RUFY3: variants seen among roughly 807,000 people sequenced by gnomAD.
RUFY3 encodes the protein RUN and FYVE domain containing 3, also known as protein RUFY3.
A neutral mutation model predicts 84.0 loss-of-function variants in RUFY3; 34 were observed. The ratio of observed to expected loss-of-function variants is 0.40; its 90% CI spans 0.31 to 0.54. The LOEUF (loss-of-function observed/expected upper bound fraction) is 0.54, where lower values mean the gene tolerates loss of function less well. Ranked by LOEUF, RUFY3 falls within the 20% of genes least tolerant of loss-of-function variation. The probability of loss-of-function intolerance (pLI) is 0.39; values close to 1 mark genes in which losing one functional copy is unlikely to be tolerated. For synonymous variants in RUFY3, 242 were observed against 252.9 expected (o/e 0.96, Z 0.41); for missense variants, 507 against 736.8 (o/e 0.69, Z 3.61).
intron 8 of RUFY3, among the ~76,000 whole-genome samples, chr4:70,780,122 C>T (rs1728657108): frequency 6.6e-6 from 1 of 152,082 alleles, no homozygotes; most frequent in African/African-American, 2.4e-5. Flanking sequence ...AGAATCTTAT[C>T]ACATAGGCTT....
chr4:70,794,150 A>G (rs1420402357), intron 13 of RUFY3, among the ~76,000 whole-genome samples: 1 of 152,228 alleles, frequency 6.6e-6, no homozygotes, highest in Admixed American at 6.5e-5. Flanking sequence ...ATTAGCCAAA[A>G]TAACACTAAT....
At chr4:70,784,356 G>T (rs1462436915) in intron 9 of RUFY3, among the ~76,000 whole-genome samples, 2 of 152,086 alleles carry the variant, frequency 1.3e-5, no homozygotes, top group African/African-American at 4.8e-5. Flanking sequence ...GGTGGCGCAC[G>T]CCTATAATCC....
At chr4:70,776,708 A>G (rs1002630006) in intron 7 of RUFY3, among the ~76,000 whole-genome samples, 9 of 152,300 alleles carry the variant, frequency 5.9e-5, no homozygotes, top group East Asian at 3.9e-4. Context: ...CCCGGGAGGC[A>G]GAGCTTACAG....
At chr4:70,728,881 CTTT>C (rs773797760) in intron 1 of RUFY3, among the ~76,000 whole-genome samples, 3 of 129,470 alleles carry the variant, frequency 2.3e-5, no homozygotes, top group Non-Finnish European at 3.4e-5. Flanking sequence ...TTGGATATTT[CTTT>C]TTTTTTTTTT....
intron 3 of RUFY3, 118 bp downstream of exon 3, chr4:70,763,787 A>G (rs532612395): frequency 4.0e-6 from 5 of 1,251,634 alleles, no homozygotes; most frequent in South Asian, 1.6e-5. Flanking sequence ...TCCAAAATGC[A>G]TGATGTCATG....
intron 7 of RUFY3, among the ~76,000 whole-genome samples, chr4:70,777,232 A>G (rs1327057312): frequency 6.6e-6 from 1 of 152,220 alleles, no homozygotes; most frequent in Non-Finnish European, 1.5e-5. Flanking sequence ...CTGAAACCAC[A>G]GAAAACAAAA....
intron 1 of RUFY3, among the ~76,000 whole-genome samples, chr4:70,736,763 G>T (rs1029732829): frequency 1.8e-4 from 28 of 152,032 alleles, no homozygotes; most frequent in African/African-American, 6.0e-4. Flanking sequence ...GTAGAGACAG[G>T]GTTTCACCAT....
intron 1 of RUFY3, among the ~76,000 whole-genome samples, chr4:70,723,718 AG>A (rs1482852598): frequency 1.3e-5 from 2 of 152,216 alleles, no homozygotes; most frequent in Non-Finnish European, 2.9e-5. Context: ...CTTGCATATG[AG>A]GAGAAATTCT....
At chr4:70,756,004 T>C (rs577619132) in intron 1 of RUFY3, among the ~76,000 whole-genome samples, 1 of 151,358 alleles carries the variant, frequency 6.6e-6, no homozygotes, top group African/African-American at 2.4e-5. Flanking sequence ...GTCAACATAA[T>C]GTATTATTTT....
At chr4:70,748,669 G>A (rs2148665796) in intron 1 of RUFY3, among the ~76,000 whole-genome samples, 1 of 152,280 alleles carries the variant, frequency 6.6e-6, no homozygotes, top group South Asian at 2.1e-4. Context: ...GCATATCTGT[G>A]CCAGTTCTTC....
At chr4:70,796,779 T>C (rs1241972589) in intron 14 of RUFY3, among the ~76,000 whole-genome samples, 1 of 152,168 alleles carries the variant, frequency 6.6e-6, no homozygotes, top group Non-Finnish European at 1.5e-5. Flanking sequence ...GCCCACTTCT[T>C]TGGGGACAAT....
chr4:70,749,235 A>G (rs967116691), intron 1 of RUFY3, among the ~76,000 whole-genome samples: 7 of 152,200 alleles, frequency 4.6e-5, no homozygotes, highest in African/African-American at 1.7e-4. Flanking sequence ...AAATGTTTCC[A>G]GAAATCTTCT....
In RUFY3 at chr4:70,775,169, G is replaced by C. The variant is rs749201906; in HGVS notation, c.760G>C (p.Asp254His). Residue 254 changes from aspartate (D) to histidine (H), a missense_variant and splice_region_variant, in exon 7 of 18, where the codon GAC becomes CAC. By Grantham distance (81) the Asp-to-His change is moderately conservative. Transcript: ENST00000381006. ...DGNSSKGTEG[D>H]GQITAILDQK... The stretch of plus-strand genomic sequence containing the variant: ...TCTATTTTCTTCCCCTTCCCCCAGA[G>C]ACGGTCAGATTACTGCAATTCTGGA... The C allele has an allele frequency of 1.4e-5, 22 of 1,596,896 alleles. No individual in the cohort carries two copies. The highest frequency in any genetic ancestry group is 1.9e-5 in the Non-Finnish European group (22 of 1,168,896).
At chr4:70,753,439 A>G (rs937312157) in intron 1 of RUFY3, among the ~76,000 whole-genome samples, 2 of 152,138 alleles carry the variant, frequency 1.3e-5, no homozygotes, top group East Asian at 1.9e-4. Flanking sequence ...CTACTTATAT[A>G]CATGTATGTT....
chr4:70,756,724 C>T (rs1724081003), intron 1 of RUFY3, among the ~76,000 whole-genome samples: 1 of 152,094 alleles, frequency 6.6e-6, no homozygotes, highest in Admixed American at 6.6e-5. Context: ...AAATAGGGAG[C>T]CAGGTCAGAT....
intron 13 of RUFY3, among the ~76,000 whole-genome samples, chr4:70,794,435 G>T (rs1207572005): frequency 6.6e-6 from 1 of 152,068 alleles, no homozygotes; most frequent in Admixed American, 6.6e-5. Context: ...ACAAAAATTT[G>T]CCAGACATAG....
At chr4:70,781,084 CAAA>C (rs35495444) in intron 8 of RUFY3, among the ~76,000 whole-genome samples, 2 of 111,988 alleles carry the variant, frequency 1.8e-5, no homozygotes. Flanking sequence ...CCCCATCTCA[CAAA>C]AAAAAAAAAA....
At chr4:70,716,781 G>A (rs1298037790) in intron 1 of RUFY3, among the ~76,000 whole-genome samples, 2 of 150,284 alleles carry the variant, frequency 1.3e-5, no homozygotes, top group Non-Finnish European at 3.0e-5. Context: ...GAGGGGACAG[G>A]TTGCAGTGAG....
chr4:70,720,674 A>AACT (rs1480267539), upstream of RUFY3, among the ~76,000 whole-genome samples: 6 of 152,220 alleles, frequency 3.9e-5, no homozygotes, highest in African/African-American at 1.4e-4. Context: ...AATCCCTAGA[A>AACT]AGGAATAGTC....
Sources: gnomAD v4.1 joint callset for allele counts (sites outside exome capture counted in the v4.1 genomes callset) on GRCh38, gnomAD v4.1.1 for gene constraint, MANE v1.5 for transcripts, NCBI Gene and HGNC (gene_info 2026-07-23, HGNC 2026-07-21) for gene names.